PTPRD: variants seen among roughly 807,000 people sequenced by gnomAD.
PTPRD encodes protein tyrosine phosphatase receptor type D, also known as receptor-type tyrosine-protein phosphatase delta.
A neutral mutation model predicts 214.5 loss-of-function variants in PTPRD; 34 were observed. The ratio of observed to expected loss-of-function variants is 0.16; its 90% CI spans 0.12 to 0.21. The LOEUF is 0.21. Ranked by LOEUF, PTPRD falls within the 10% of genes least tolerant of loss-of-function variation. PTPRD has a pLI of 1.00. For missense variants in PTPRD, 2,545 were observed against 2,398.7 expected, an observed-to-expected ratio of 1.06 and a Z score of -1.27; for synonymous variants, 1,128 against 845.7, an observed-to-expected ratio of 1.33 and a Z score of -5.79.
intron 2 of PTPRD, among the ~76,000 whole-genome samples, chr9:10,538,286 AT>A (rs1170562728): frequency 3.5e-4 from 51 of 146,018 alleles, no homozygotes; most frequent in South Asian, 6.3e-4. Flanking sequence ...AAATAAATAA[AT>A]AAATAAATAA....
At chr9:10,552,443 T>C (rs967911753) in intron 2 of PTPRD, among the ~76,000 whole-genome samples, 11 of 152,128 alleles carry the variant, frequency 7.2e-5, no homozygotes, top group African/African-American at 2.7e-4. Context: ...CCCAAACTTA[T>C]TATTTCACAC....
intron 8 of PTPRD, among the ~76,000 whole-genome samples, chr9:9,446,700 A>C (rs2090521372): frequency 6.6e-6 from 1 of 152,170 alleles, no homozygotes; most frequent in Admixed American, 6.5e-5. Flanking sequence ...CTGTACAGCA[A>C]AAGGAATGGT....
intron 5 of PTPRD, among the ~76,000 whole-genome samples, chr9:9,836,314 A>G (rs1400634137): frequency 6.6e-6 from 1 of 152,158 alleles, no homozygotes; most frequent in Non-Finnish European, 1.5e-5. Context: ...TATCATGTAG[A>G]CAATATCAGG....
At chr9:10,444,992 A>G (rs141510964) in intron 2 of PTPRD, among the ~76,000 whole-genome samples, 86 of 152,176 alleles carry the variant, frequency 5.7e-4, no homozygotes, top group Middle Eastern at 6.8e-3. Context: ...AGAAGGGCAC[A>G]TGCTATTGGC....
chr9:8,333,618 C>A (rs1843620837), intron 43 of PTPRD, among the ~76,000 whole-genome samples: 1 of 151,806 alleles, frequency 6.6e-6, no homozygotes, highest in Non-Finnish European at 1.5e-5. Context: ...TTGTAAAGAC[C>A]ATCAACGCTA....
intron 33 of PTPRD, among the ~76,000 whole-genome samples, chr9:8,456,422 T>A (rs926299488): frequency 2.6e-5 from 4 of 152,044 alleles, no homozygotes; most frequent in Non-Finnish European, 5.9e-5. Flanking sequence ...AAGGATGAGT[T>A]GGAGTTATCC....
rs1359700 is a variant in PTPRD at position 9,586,994 on chromosome 9, T to C, written c.-286-12213A>G. Among the ~76,000 whole-genome samples, 10 of 152,066 alleles carry C rather than the reference T, an allele frequency of 6.6e-5. No homozygotes were observed. In the South Asian group the frequency reaches 1.2e-3, roughly 19 times the overall value. On this transcript the variant is annotated intron_variant, in intron 7 of 45. Coordinates refer to ENST00000381196, the MANE Select transcript of PTPRD (RefSeq NM_002839.4). ...TAAGTCATCACTCTCTCCTGTGATG[T>C]TGAATTAAGGAAGCCAGTCTATCAT...
intron 2 of PTPRD, among the ~76,000 whole-genome samples, chr9:10,495,855 T>C (rs1424816796): frequency 1.3e-5 from 2 of 151,730 alleles, no homozygotes; most frequent in Non-Finnish European, 1.5e-5. Context: ...TCTATTTTAT[T>C]TAGCCAGTTA....
chr9:8,497,881 G>T lies in PTPRD; in HGVS notation c.2323-613C>A, dbSNP rs897502745. Among the ~76,000 whole-genome samples the T allele has an allele frequency of 2.0e-5, 3 of 152,346 alleles. No individual in the cohort carries two copies. The South Asian group carries it at 6.2e-4, about 32-fold the overall frequency. On this transcript the variant is annotated intron_variant, in intron 25 of 45. Transcript: ENST00000381196. ...AGGGAGAGAATTACAGTTCTGTAAT[G>T]TAAAATATCTAAGAACCAAAGGAGA...
At chr9:10,410,270 T>TAC (rs1555303988) in intron 2 of PTPRD, among the ~76,000 whole-genome samples, 3,641 of 139,830 alleles carry the variant, frequency 0.026, 77 homozygotes, top group Non-Finnish European at 0.04. Flanking sequence ...TATATATATA[T>TAC]ACACACACAC....
Position 8,316,623 on chromosome 9 carries a change from A to ATAAT in PTPRD, c.*1247_*1250dup, listed in dbSNP as rs1339869739. The ATAAT allele has an allele frequency of 1.7e-5, 4 of 230,694 alleles. No homozygotes were observed. Among genetic ancestry groups the ATAAT allele is most frequent in the African/African-American group, 4.4e-5 (2 of 45,180 alleles). 14.3% of individuals were successfully genotyped at this position (230,694 alleles called of 1,614,324 possible). ...ATGCACACCTCTTAGCTATTTAATA[A>ATAAT]TAATTTTTATTGCACTAGAGTGTTA... On this transcript the variant is annotated 3_prime_UTR_variant, in exon 46 of 46. Transcript: ENST00000381196.
intron 14 of PTPRD, among the ~76,000 whole-genome samples, chr9:8,605,847 T>C (rs528650772): frequency 1.3e-5 from 2 of 152,298 alleles, no homozygotes; most frequent in South Asian, 2.1e-4. Flanking sequence ...TTGATCATCC[T>C]ACCAGCTATT....
intron 3 of PTPRD, among the ~76,000 whole-genome samples, chr9:10,048,776 A>C (rs1366610176): frequency 6.6e-6 from 1 of 152,042 alleles, no homozygotes; most frequent in African/African-American, 2.4e-5. Context: ...CCCTTCCCCA[A>C]AACAAATCCT....
intron 10 of PTPRD, among the ~76,000 whole-genome samples, chr9:9,039,671 G>A: frequency 6.6e-6 from 1 of 152,154 alleles, no homozygotes; most frequent in East Asian, 1.9e-4. Flanking sequence ...ATTGACCCCT[G>A]ATAATTCAGC....
At chr9:8,479,972 A>G (rs1049492094) in intron 30 of PTPRD, among the ~76,000 whole-genome samples, 3 of 152,118 alleles carry the variant, frequency 2.0e-5, no homozygotes, top group African/African-American at 7.2e-5. Context: ...CTGACACCCA[A>G]ATTGGGCTAA....
At chr9:10,013,386 A>T (rs1034237218) in intron 4 of PTPRD, among the ~76,000 whole-genome samples, 1 of 151,992 alleles carries the variant, frequency 6.6e-6, no homozygotes, top group Non-Finnish European at 1.5e-5. Context: ...GTAAATAAAT[A>T]ATCAATCCTG....
chr9:10,376,064 T>C (rs1464737739), intron 2 of PTPRD, among the ~76,000 whole-genome samples: 1 of 152,002 alleles, frequency 6.6e-6, no homozygotes, highest in Admixed American at 6.6e-5. Flanking sequence ...GCCTATTCTG[T>C]GTAAGGGACT....
chr9:10,026,072 T>C (rs1475809254), intron 4 of PTPRD, among the ~76,000 whole-genome samples: 2 of 152,214 alleles, frequency 1.3e-5, no homozygotes, highest in African/African-American at 4.8e-5. Flanking sequence ...TCTCTTGCAA[T>C]TGATGGTGTT....
At chr9:8,776,910 A>G (rs1197125393) in intron 11 of PTPRD, among the ~76,000 whole-genome samples, 1 of 20,646 alleles carries the variant, frequency 4.8e-5, no homozygotes, top group African/African-American at 3.1e-4. Flanking sequence ...CATATGTATA[A>G]TATATGTATA....
Sources: gnomAD v4.1 joint callset for allele counts (sites outside exome capture counted in the v4.1 genomes callset) on GRCh38, gnomAD v4.1.1 for gene constraint, MANE v1.5 for transcripts, NCBI Gene and HGNC (gene_info 2026-07-23, HGNC 2026-07-21) for gene names.